The following SNRPE variants were observed in gnomAD, a reference collection of about 807,000 sequenced individuals.
SNRPE encodes small nuclear ribonucleoprotein E.
For synonymous variants in SNRPE, 35 were observed against 36.7 expected, an observed-to-expected ratio of 0.95 and a Z score of 0.17; for missense variants, 53 against 111.6, an observed-to-expected ratio of 0.48 and a Z score of 2.36.
At position 203,863,611 on chromosome 1, in the gene SNRPE, G is replaced by A. The variant is rs1215674484; in HGVS notation, c.82-52G>A. 15 of 1,354,098 alleles carry A rather than the reference G, an allele frequency of 1.1e-5. No individual in the cohort carries two copies. The Admixed American group carries it at 1.7e-4, about 15-fold the overall frequency. 83.9% of individuals were successfully genotyped at this position (1,354,098 alleles called of 1,614,324 possible). A position where few individuals can be genotyped will look rare whatever the true frequency, so the allele number is the denominator to read the frequency against. ...TGGGATTACAGGCGTGAGCCACCGCGCCCGGCCCTATTTTTCTTTTTTTAA... is the reference window on the plus strand; with the variant it reads ...TGGGATTACAGGCGTGAGCCACCGCACCCGGCCCTATTTTTCTTTTTTTAA... On this transcript the variant is annotated intron_variant, in intron 2 of 4. Transcript: ENST00000414487.
At chr1:203,864,928 T>G in intron 3 of SNRPE, 113 bp from the exon 4 acceptor site, 19 of 918,398 alleles carry the variant, frequency 2.1e-5, no homozygotes, top group South Asian at 2.3e-5. Context: ...GGGTGGGGCT[T>G]GAGAAGAGTG....
intron 3 of SNRPE, among the ~76,000 whole-genome samples, chr1:203,864,682 G>C (rs1451166483): frequency 1.3e-5 from 2 of 152,106 alleles, no homozygotes; most frequent in African/African-American, 4.8e-5. Context: ...TTCGAGACCA[G>C]CCTGGGCAAC....
At chr1:203,864,451 A>G (rs1690044361) in intron 3 of SNRPE, among the ~76,000 whole-genome samples, 1 of 150,482 alleles carries the variant, frequency 6.6e-6, no homozygotes, top group Admixed American at 6.6e-5. Context: ...TTTTTTTTTA[A>G]GTTGGGGTCC....
At position 203,870,984 on chromosome 1, in the gene SNRPE, CTT is replaced by C. The variant is rs1041485840; in HGVS notation, c.*1055_*1056del. 7.9e-5 allele frequency among the ~76,000 whole-genome samples: 12 copies of C among 152,132 alleles called. No homozygotes were observed. Among genetic ancestry groups the C allele is most frequent in the African/African-American group, 2.7e-4 (11 of 41,428 alleles). ...CTTTTCTACATGCCTGTGAAGGAGA[CTT>C]TTCATGAAACTGAATAAAAGAAATC... On this transcript the variant is annotated 3_prime_UTR_variant, in exon 5 of 5. Transcript: ENST00000414487.
At chr1:203,863,870 T>G in intron 3 of SNRPE, 145 bp downstream of exon 3, 1 of 614,766 alleles carries the variant, frequency 1.6e-6, no homozygotes. Flanking sequence ...CCTTTTTTCA[T>G]TGTTGATAGA....
chr1:203,869,400 G>A (rs1025743849), intron 4 of SNRPE, among the ~76,000 whole-genome samples: 10 of 137,246 alleles, frequency 7.3e-5, no homozygotes, highest in Admixed American at 1.7e-4. Flanking sequence ...TCCGCCTCCC[G>A]GATTCAAGCA....
intron 3 of SNRPE, 148 bp from the exon 4 acceptor site, chr1:203,864,893 A>AT: frequency 2.5e-6 from 1 of 407,908 alleles, no homozygotes; most frequent in African/African-American, 2.9e-5. Flanking sequence ...AAAAAAAAAA[A>AT]AAAAAAAACT....
In SNRPE at chr1:203,870,907, G is replaced by C. The variant is rs974978696; in HGVS notation, c.*975G>C. Among the ~76,000 whole-genome samples, 10 of 152,216 alleles carry C rather than the reference G, an allele frequency of 6.6e-5. No homozygotes were observed. Among genetic ancestry groups the C allele is most frequent in the Non-Finnish European group, 1.2e-4 (8 of 68,044 alleles). On this transcript the variant is annotated 3_prime_UTR_variant, in exon 5 of 5. Transcript: ENST00000414487. ...AGGCCTGCCTTAAGTTCTGCTAAAG[G>C]CCATGTTGTTATTAAGGACGGGTGA... is the stretch of plus-strand genomic sequence containing the variant.
intron 4 of SNRPE, among the ~76,000 whole-genome samples, chr1:203,869,488 T>C (rs1261900587): frequency 1.3e-5 from 2 of 151,978 alleles, no homozygotes; most frequent in African/African-American, 4.8e-5. Context: ...GTATTTTTAG[T>C]AGAGATAGGG....
intron 4 of SNRPE, 28 bp downstream of exon 4, chr1:203,865,147 T>A: frequency 6.4e-7 from 1 of 1,573,734 alleles, no homozygotes; most frequent in Non-Finnish European, 8.7e-7. Context: ...CTTACAGAAT[T>A]CTAGAAATAT....
Position 203,865,047 on chromosome 1 carries a change from G to T in SNRPE, c.151G>T (p.Asp51Tyr). The change falls in exon 4 of 5, where the codon GAT becomes TAT. Residue 51 changes from aspartate to tyrosine, a missense_variant. Physicochemically the swap from Asp to Tyr is radical, Grantham distance 160. Coordinates refer to ENST00000414487, the MANE Select transcript of SNRPE (RefSeq NM_003094.4). The part of the protein sequence containing the change: ...MRIEGCIIGF[D>Y]EYMNLVLDDA... Reference sequence around the variant, plus strand: ...AGTTTGTTTATTTTTCTAGGGTTTTGATGAGTATATGAACCTTGTATTAGA... The same window carrying T: ...AGTTTGTTTATTTTTCTAGGGTTTTTATGAGTATATGAACCTTGTATTAGA... 1 of 1,606,750 alleles carries T rather than the reference G, an allele frequency of 6.2e-7. No individual in the cohort carries two copies. The highest frequency in any genetic ancestry group is 1.1e-5 in the South Asian group (1 of 89,174).
chr1:203,866,037 T>G (rs527768178), intron 4 of SNRPE, among the ~76,000 whole-genome samples: 19 of 152,216 alleles, frequency 1.2e-4, no homozygotes, highest in Admixed American at 3.3e-4. Context: ...AAATTGGCCG[T>G]TGGTGATCAG....
intron 4 of SNRPE, among the ~76,000 whole-genome samples, chr1:203,866,941 T>A (rs1021532912): frequency 8.0e-6 from 1 of 125,158 alleles, no homozygotes; most frequent in African/African-American, 3.0e-5. Flanking sequence ...TCCTTGTGTC[T>A]GTAGAGCTCA....
intron 3 of SNRPE, among the ~76,000 whole-genome samples, 161 bp downstream of exon 3, chr1:203,863,886 ATTGGGTAG>A (rs1200028002): frequency 2.0e-5 from 3 of 152,134 alleles, no homozygotes; most frequent in African/African-American, 7.2e-5. Context: ...ATAGATAAGG[ATTGGGTAG>A]TTTTTAATAG....
chr1:203,865,151 G>A, intron 4 of SNRPE, 32 bp downstream of exon 4: 1 of 1,567,658 alleles, frequency 6.4e-7, no homozygotes, highest in South Asian at 1.2e-5. Context: ...CAGAATTCTA[G>A]AAATATTTTA....
At chr1:203,862,278 G>T in intron 2 of SNRPE, 56 bp downstream of exon 2, 2 of 1,235,400 alleles carry the variant, frequency 1.6e-6, no homozygotes, top group South Asian at 2.4e-5. Flanking sequence ...AACTGATTTA[G>T]TTTTTTGTGT....
intron 2 of SNRPE, among the ~76,000 whole-genome samples, chr1:203,863,040 C>A (rs1281137131): frequency 6.6e-6 from 1 of 151,726 alleles, no homozygotes; most frequent in Non-Finnish European, 1.5e-5. Context: ...AATGAAAATT[C>A]TTTTTGAGGT....
In SNRPE at chr1:203,870,802, A is replaced by G. The variant is rs1690200491; in HGVS notation, c.*870A>G. Among the ~76,000 whole-genome samples, 1 of 152,238 alleles carries G rather than the reference A, an allele frequency of 6.6e-6. No homozygotes were observed. Among genetic ancestry groups the G allele is most frequent in the Non-Finnish European group, 1.5e-5 (1 of 68,044 alleles). ...GTTAGCTAGACACTGTTGAATCAAT[A>G]CAGTGAAACAGACAGGTAAGCAGGT... On this transcript the variant is annotated 3_prime_UTR_variant, in exon 5 of 5. Transcript: ENST00000414487.
chr1:203,863,488 T>A lies in SNRPE; in HGVS notation c.82-175T>A, dbSNP rs1690019507. 6 of 551,616 alleles carry A rather than the reference T, an allele frequency of 1.1e-5. No homozygotes were observed. In the South Asian group the frequency reaches 1.5e-4, roughly 13 times the overall value. 34.2% of individuals were successfully genotyped at this position (551,616 alleles called of 1,614,324 possible). A position where few individuals can be genotyped will look rare whatever the true frequency, so the allele number is the denominator to read the frequency against. ...GTGCGCCACCACGCCCAGCTAATTT[T>A]TTTTGTATTTTTAGTAGAGATGGGG... On this transcript the variant is annotated intron_variant, in intron 2 of 4. Transcript: ENST00000414487.
Sources: allele counts gnomAD v4.1 joint callset (sites outside exome capture counted in the v4.1 genomes callset), GRCh38; gene constraint gnomAD v4.1.1; transcripts MANE v1.5; gene names NCBI Gene and HGNC (gene_info 2026-07-23, HGNC 2026-07-21).